Variants in ACOXL observed in about 807,000 individuals in gnomAD.
The protein encoded by ACOXL is acyl-CoA oxidase like, also known as acyl-coenzyme A oxidase-like protein.
In ACOXL, 70 loss-of-function variants were observed where a neutral mutation model predicts 71.9. That is an observed-to-expected ratio of 0.97 (90% CI 0.80 to 1.19). The LOEUF is 1.19. ACOXL is among the 50% of genes most tolerant of loss of function. ACOXL has a pLI of 0.00. For synonymous variants in ACOXL, 253 were observed against 281.6 expected (o/e 0.90, Z 1.02); for missense variants, 703 against 736.3 (o/e 0.95, Z 0.52).
At chr2:110,949,797 G>A (rs949612090) in intron 12 of ACOXL, among the ~76,000 whole-genome samples, 4 of 152,104 alleles carry the variant, frequency 2.6e-5, no homozygotes, top group African/African-American at 4.8e-5. Context: ...ATGGAAGGAC[G>A]AACAAGGCCA....
chr2:111,007,264 C>T (rs2063922316), intron 14 of ACOXL, among the ~76,000 whole-genome samples: 1 of 152,196 alleles, frequency 6.6e-6, no homozygotes, highest in African/African-American at 2.4e-5. Flanking sequence ...CCCTATTTTT[C>T]CTCAAACTTT....
At chr2:110,958,766 A>G (rs115175821) in intron 12 of ACOXL, among the ~76,000 whole-genome samples, 2,446 of 152,302 alleles carry the variant, frequency 0.016, 77 homozygotes, top group African/African-American at 0.055. Context: ...CCCCTGGACA[A>G]TGCCACAGAG....
chr2:110,734,976 A>T (rs1053607541), intron 1 of ACOXL, among the ~76,000 whole-genome samples: 3 of 152,200 alleles, frequency 2.0e-5, no homozygotes, highest in African/African-American at 4.8e-5. Flanking sequence ...TTGCGTGGGC[A>T]TGGAGTAAAC....
At chr2:111,034,060 G>T (rs192315067) in intron 15 of ACOXL, among the ~76,000 whole-genome samples, 2 of 152,344 alleles carry the variant, frequency 1.3e-5, no homozygotes, top group Admixed American at 1.3e-4. Context: ...TGAGGATGGG[G>T]GCTCTGGAGT....
chr2:111,091,399 A>G (rs746575814), intron 16 of ACOXL, among the ~76,000 whole-genome samples: 4 of 152,160 alleles, frequency 2.6e-5, no homozygotes, highest in Non-Finnish European at 5.9e-5. Flanking sequence ...GAACTCTTAT[A>G]CTTCTAGAGC....
chr2:111,103,613 G>T (rs528906310), intron 17 of ACOXL, among the ~76,000 whole-genome samples: 10 of 152,248 alleles, frequency 6.6e-5, no homozygotes, highest in African/African-American at 2.2e-4. Context: ...CTGCATAACG[G>T]TTCCATGAGT....
At chr2:110,945,762 G>A (rs2061080529) in intron 12 of ACOXL, among the ~76,000 whole-genome samples, 1 of 152,106 alleles carries the variant, frequency 6.6e-6, no homozygotes, top group Non-Finnish European at 1.5e-5. Flanking sequence ...AGTATCATTT[G>A]AAGTTAAATA....
At chr2:111,108,369 A>ATATTTTT (rs1173842815) in intron 17 of ACOXL, among the ~76,000 whole-genome samples, 1 of 62,084 alleles carries the variant, frequency 1.6e-5, no homozygotes, top group East Asian at 5.6e-4. Context: ...AAGTGCATGA[A>ATATTTTT]TCTTTTTTTT....
Position 110,768,513 on chromosome 2 carries a change from T to TGTGTGTGTGTGTGTGTGTGTGA in ACOXL, c.75+50_75+51insTGTGTGTGTGTGTGTGTGTGAG, listed in dbSNP as rs397975396. 33 of 929,824 alleles carry TGTGTGTGTGTGTGTGTGTGTGA rather than the reference T, an allele frequency of 3.5e-5. No individual in the cohort carries two copies. The African/African-American group carries it at 5.6e-4, about 16-fold the overall frequency. The allele number at this position is 929,824 out of a possible 1,614,324, so 57.6% of individuals were successfully genotyped here. ...ATGGTTGTGTGTGTGTGTGTGTGTG[T>TGTGTGTGTGTGTGTGTGTGTGA]GAGAGAGAGAGAGAGAGAGAGAGAG... On this transcript the variant is annotated intron_variant, in intron 2 of 17. Transcript: ENST00000439055.
intron 16 of ACOXL, among the ~76,000 whole-genome samples, chr2:111,054,621 G>T (rs147147603): frequency 2.0e-5 from 3 of 152,280 alleles, no homozygotes; most frequent in African/African-American, 7.2e-5. Context: ...GCACAGAGAC[G>T]CCTGGGAGCG....
At chr2:111,016,206 G>A (rs1172619354) in intron 14 of ACOXL, among the ~76,000 whole-genome samples, 1 of 152,058 alleles carries the variant, frequency 6.6e-6, no homozygotes, top group Non-Finnish European at 1.5e-5. Context: ...AAAGTGCTGG[G>A]ATTACAGGTG....
chr2:110,828,121 C>A (rs1689377447), intron 9 of ACOXL, among the ~76,000 whole-genome samples: 1 of 152,218 alleles, frequency 6.6e-6, no homozygotes, highest in East Asian at 1.9e-4. Context: ...CAGGCACATG[C>A]CATCGCACCT....
chr2:110,786,978 T>C (rs772860870), intron 3 of ACOXL, among the ~76,000 whole-genome samples: 90 of 152,164 alleles, frequency 5.9e-4, no homozygotes, highest in Non-Finnish European at 1.0e-3. Context: ...ATCTGTATCT[T>C]TTACATATGT....
rs551940811 is a variant in ACOXL, at chr2:110,768,469, G to A, written c.75+5G>A. On this transcript the variant is annotated splice_donor_5th_base_variant and intron_variant, in intron 2 of 17. Transcript: ENST00000439055. The stretch of plus-strand genomic sequence containing the variant: ...AAACGTGCAGGTCAGGATCTGGTAA[G>A]TGTCATTATTATTCTGGTATGGTTG... The A allele has an allele frequency of 3.7e-6, 6 of 1,611,504 alleles. No individual in the cohort carries two copies. The highest frequency in any genetic ancestry group is 2.7e-5 in the African/African-American group (2 of 74,030).
chr2:110,758,802 C>T (rs544424472), intron 1 of ACOXL, among the ~76,000 whole-genome samples: 13 of 152,144 alleles, frequency 8.5e-5, no homozygotes, highest in Admixed American at 2.0e-4. Flanking sequence ...AGCTTTTTGA[C>T]GTGGACATGT....
chr2:110,895,163 A>T (rs1481687823), intron 10 of ACOXL, among the ~76,000 whole-genome samples: 1 of 152,246 alleles, frequency 6.6e-6, no homozygotes, highest in African/African-American at 2.4e-5. Context: ...AATGACAAAC[A>T]TGCTGAAACA....
intron 13 of ACOXL, among the ~76,000 whole-genome samples, chr2:110,987,969 T>A (rs2063006863): frequency 6.6e-6 from 1 of 152,174 alleles, no homozygotes; most frequent in South Asian, 2.1e-4. Context: ...TTGACATTAC[T>A]TAGAATAAGA....
chr2:110,909,242 T>C (rs986780437), intron 11 of ACOXL, among the ~76,000 whole-genome samples: 2 of 152,220 alleles, frequency 1.3e-5, no homozygotes, highest in African/African-American at 4.8e-5. Flanking sequence ...AAGTTCTTTA[T>C]TTCTGATAAA....
intron 17 of ACOXL, among the ~76,000 whole-genome samples, chr2:111,101,406 T>C (rs2069148614): frequency 1.3e-5 from 2 of 152,170 alleles, no homozygotes; most frequent in African/African-American, 4.8e-5. Flanking sequence ...AATGCGGTGT[T>C]GGTTGTTTTC....
Sources: gnomAD v4.1 joint callset for allele counts (sites outside exome capture counted in the v4.1 genomes callset) on GRCh38, gnomAD v4.1.1 for gene constraint, MANE v1.5 for transcripts, NCBI Gene and HGNC (gene_info 2026-07-23, HGNC 2026-07-21) for gene names.